TAFA5: variants seen among roughly 807,000 people sequenced by gnomAD.
TAFA5 encodes the protein chemokine-like protein TAFA-5.
In TAFA5, 6 loss-of-function variants were observed where a neutral mutation model predicts 15.3. The ratio of observed to expected loss-of-function variants is 0.39; its 90% CI spans 0.21 to 0.77. TAFA5 has a LOEUF of 0.77. TAFA5 is among the 30% of genes least tolerant of loss of function. The pLI is 0.41. For missense variants in TAFA5, 161 were observed against 193.1 expected (o/e 0.83, Z 0.98); for synonymous variants, 103 against 80.7 (o/e 1.28, Z -1.48).
chr22:48,714,071 C>T (rs1311104520), intron 3 of TAFA5, among the ~76,000 whole-genome samples: 10 of 152,244 alleles, frequency 6.6e-5, no homozygotes, highest in Non-Finnish European at 1.3e-4. Context: ...GCCAGGCCCT[C>T]GCCCAGGGCG....
chr22:48,544,314 C>T (rs779922403), intron 1 of TAFA5: 9 of 256,946 alleles, frequency 3.5e-5, no homozygotes, highest in East Asian at 9.1e-5. Context: ...CCTCCCCCTG[C>T]GTTGTCTGCC....
chr22:48,747,542 C>T (rs1265825118), intron 3 of TAFA5, among the ~76,000 whole-genome samples: 3 of 152,174 alleles, frequency 2.0e-5, no homozygotes, highest in African/African-American at 4.8e-5. Context: ...ATGGTCTTCA[C>T]GCTGTCTTGC....
intron 1 of TAFA5, among the ~76,000 whole-genome samples, chr22:48,616,282 C>T (rs28638257): frequency 0.61 from 92,077 of 152,042 alleles, 28,180 homozygotes; most frequent in East Asian, 0.76. Flanking sequence ...CCAATACCGC[C>T]GTAACCCCGC....
chr22:48,695,743 CT>C, intron 2 of TAFA5, among the ~76,000 whole-genome samples: 1 of 152,310 alleles, frequency 6.6e-6, no homozygotes, highest in South Asian at 2.1e-4. Flanking sequence ...GCAGGGGCAC[CT>C]TCCTGAGCTG....
intron 3 of TAFA5, among the ~76,000 whole-genome samples, chr22:48,714,195 G>A (rs527906654): frequency 1.3e-5 from 2 of 152,354 alleles, no homozygotes; most frequent in Admixed American, 6.5e-5. Context: ...TAAAGAGGAC[G>A]AGACACTCAC....
At chr22:48,502,139 T>A (rs1179352846) in intron 1 of TAFA5, among the ~76,000 whole-genome samples, 1 of 152,228 alleles carries the variant, frequency 6.6e-6, no homozygotes, top group African/African-American at 2.4e-5. Context: ...ACAATGAACA[T>A]CTCAGAATTT....
At chr22:48,623,690 A>T (rs1569052717) in intron 1 of TAFA5, among the ~76,000 whole-genome samples, 1 of 152,250 alleles carries the variant, frequency 6.6e-6, no homozygotes, top group African/African-American at 2.4e-5. Context: ...ATTTAACCGC[A>T]TCAGAGCCTG....
chr22:48,697,797 GTGATGATGATGA>G (rs1569083895), intron 2 of TAFA5, among the ~76,000 whole-genome samples: 2 of 137,980 alleles, frequency 1.4e-5, no homozygotes, highest in Non-Finnish European at 3.1e-5. Context: ...GATGATGATG[GTGATGATGATGA>G]GATGGTAGTG....
At chr22:48,616,436 T>C (rs984225441) in intron 1 of TAFA5, among the ~76,000 whole-genome samples, 4 of 152,176 alleles carry the variant, frequency 2.6e-5, no homozygotes, top group African/African-American at 7.2e-5. Flanking sequence ...CCCTAATGCA[T>C]CACCTAATGC....
At chr22:48,748,190 C>T (rs1488474346) in intron 3 of TAFA5, among the ~76,000 whole-genome samples, 2 of 152,202 alleles carry the variant, frequency 1.3e-5, no homozygotes, top group Non-Finnish European at 2.9e-5. Flanking sequence ...GGGACCACAC[C>T]GTTCATGCCA....
chr22:48,561,255 C>T (rs889995430), intron 1 of TAFA5, among the ~76,000 whole-genome samples: 1 of 152,166 alleles, frequency 6.6e-6, no homozygotes, highest in Non-Finnish European at 1.5e-5. Flanking sequence ...CAAGGAAAGT[C>T]CTTTCTGCTT....
intron 1 of TAFA5, among the ~76,000 whole-genome samples, chr22:48,596,288 G>A (rs192830033): frequency 3.9e-4 from 60 of 152,330 alleles, no homozygotes; most frequent in African/African-American, 1.2e-3. Flanking sequence ...TGTTGACCAC[G>A]CTGTGCCTCC....
chr22:48,568,167 G>A (rs1325373142), intron 1 of TAFA5, among the ~76,000 whole-genome samples: 2 of 152,206 alleles, frequency 1.3e-5, no homozygotes, highest in Non-Finnish European at 2.9e-5. Flanking sequence ...CCCAGACTGC[G>A]GCCTCAGCCA....
intron 1 of TAFA5, among the ~76,000 whole-genome samples, chr22:48,623,632 C>CT (rs1925930624): frequency 6.6e-6 from 1 of 152,258 alleles, no homozygotes; most frequent in South Asian, 2.1e-4. Context: ...CTTGGAAAGC[C>CT]TGCAGACAGG....
intron 3 of TAFA5, among the ~76,000 whole-genome samples, chr22:48,743,458 A>G (rs1286537942): frequency 3.9e-5 from 6 of 152,194 alleles, no homozygotes; most frequent in Non-Finnish European, 2.9e-5. Flanking sequence ...ACTCGATCAC[A>G]TCTGCTAGAA....
chr22:48,575,733 T>C (rs1011899759), intron 1 of TAFA5, among the ~76,000 whole-genome samples: 4 of 140,912 alleles, frequency 2.8e-5, no homozygotes, highest in Admixed American at 2.8e-4. Flanking sequence ...CACCGTCCGG[T>C]GGGGACCGGC....
chr22:48,741,895 G>A (rs558799466), intron 3 of TAFA5, among the ~76,000 whole-genome samples: 4 of 152,378 alleles, frequency 2.6e-5, no homozygotes, highest in Admixed American at 1.3e-4. Context: ...GAGGAAGGTC[G>A]CTGTGGCTTT....
At chr22:48,640,489 G>A (rs2147197480) in intron 1 of TAFA5, among the ~76,000 whole-genome samples, 1 of 152,254 alleles carries the variant, frequency 6.6e-6, no homozygotes, top group East Asian at 1.9e-4. Context: ...CTAAGGGGGG[G>A]CTTCCCCTGG....
At chr22:48,747,375 C>A (rs1397440565) in intron 3 of TAFA5, among the ~76,000 whole-genome samples, 1 of 152,170 alleles carries the variant, frequency 6.6e-6, no homozygotes, top group Non-Finnish European at 1.5e-5. Context: ...TGTGACCTGG[C>A]TCTGCACCTT....
Sources: gnomAD v4.1 joint callset for allele counts (sites outside exome capture counted in the v4.1 genomes callset) on GRCh38, gnomAD v4.1.1 for gene constraint, MANE v1.5 for transcripts, NCBI Gene and HGNC (gene_info 2026-07-23, HGNC 2026-07-21) for gene names.